Variants in CIITA observed in about 807,000 individuals in gnomAD.
CIITA encodes class II major histocompatibility complex transactivator, also known as MHC class II transactivator.
In CIITA, 72 loss-of-function variants were observed where a neutral mutation model predicts 115.1. The observed-to-expected ratio is 0.63, with a 90% CI of 0.52 to 0.76. The LOEUF (loss-of-function observed/expected upper bound fraction) is 0.76. CIITA is among the 30% of genes least tolerant of loss of function. The pLI, the probability that CIITA is intolerant of heterozygous loss-of-function variation, is 0.00. For synonymous variants in CIITA, 763 were observed against 635.6 expected (o/e 1.20, Z -3.02); for missense variants, 1,617 against 1,463.8 (o/e 1.10, Z -1.71).
rs769523379 is a variant in CIITA, at chr16:10,907,238, T to G, written c.1746T>G (p.Phe582Leu). The G allele has an allele frequency of 1.2e-6, 2 of 1,613,090 alleles. No individual in the cohort carries two copies. Among genetic ancestry groups the G allele is most frequent in the Non-Finnish European group, 1.7e-6 (2 of 1,179,924 alleles). Residue 582 changes from phenylalanine to leucine, a missense_variant, in exon 11 of 20, where the codon TTT becomes TTG. By Grantham distance (22) the Phe-to-Leu change is conservative. Coordinates refer to ENST00000324288, the MANE Select transcript of CIITA (RefSeq NM_000246.4). This position sits in a 1 kb window ranked among gnomAD's most constrained non-coding sequence, Gnocchi z 5.0. ...CCCAGGCATACGTGATGCGCTACTTTGAGAGCTCAGGGATGACAGAGCACC... is the reference window on the plus strand; with the variant it reads ...CCCAGGCATACGTGATGCGCTACTTGGAGAGCTCAGGGATGACAGAGCACC... Reference protein sequence around the residue: ...EQAQAYVMRYFESSGMTEHQD... With the variant: ...EQAQAYVMRYLESSGMTEHQD...
chr16:10,888,995 G>C (rs1050476338), intron 1 of CIITA, among the ~76,000 whole-genome samples: 1 of 152,216 alleles, frequency 6.6e-6, no homozygotes, highest in Non-Finnish European at 1.5e-5. Context: ...TAATGCCTAC[G>C]AGTCATGTCA....
chr16:10,898,858 T>G lies in CIITA; in HGVS notation c.359-67T>G, dbSNP rs6498121. 0.76 allele frequency: 1,215,513 copies of G among 1,600,692 alleles called. 471,464 individuals are homozygous for G. Among genetic ancestry groups the G allele is most frequent in the Non-Finnish European group, 0.8 (933,561 of 1,168,594 alleles). ...GTCAGACCCCTCTCCCCAAGGTGGG[T>G]ACAATAGAGACTCACCTTGGGCTTT... On this transcript the variant is annotated intron_variant, in intron 4 of 19. Transcript: ENST00000324288.
intron 13 of CIITA, among the ~76,000 whole-genome samples, chr16:10,912,452 C>G (rs1176462442): frequency 3.3e-5 from 5 of 152,158 alleles, no homozygotes; most frequent in Admixed American, 3.3e-4. Context: ...TCATTAATCT[C>G]AAGAGCTACT....
Position 10,915,562 on chromosome 16 carries a change from C to T in CIITA, c.2889-8C>T, listed in dbSNP as rs776896636. On this transcript the variant is annotated splice_region_variant and splice_polypyrimidine_tract_variant and intron_variant, in intron 13 of 19. Transcript: ENST00000324288. ...CTGGAGGTCTTACCCTTGCTCTTTG[C>T]CTCCTAGGCTGGGCCCTGTCTCAGG... 1.2e-6 allele frequency: 2 copies of T among 1,613,126 alleles called. No individual in the cohort carries two copies. Among genetic ancestry groups the T allele is most frequent in the Admixed American group, 1.7e-5 (1 of 60,020 alleles).
At chr16:10,899,809 G>A (rs1262014422) in intron 5 of CIITA, among the ~76,000 whole-genome samples, 2 of 152,234 alleles carry the variant, frequency 1.3e-5, no homozygotes, top group African/African-American at 4.8e-5. Context: ...GCTGGGCGCA[G>A]CGGCTCACAC....
chr16:10,877,593 G>C (rs1252371594), intron 1 of CIITA, among the ~76,000 whole-genome samples: 2 of 152,318 alleles, frequency 1.3e-5, no homozygotes, highest in Non-Finnish European at 2.9e-5. Context: ...GGTGTCTGGA[G>C]TATGAACCAT....
At position 10,906,649 on chromosome 16, in the gene CIITA, A is replaced by C. The variant is rs771846946; in HGVS notation, c.1157A>C (p.Asp386Ala). ...CTGGAGCGGGAACTGGCCACCCCGG[A>C]CTGGGCAGAACGGCAGCTGGCCCAA... ...KSLERELATP[D>A]WAERQLAQGG... Residue 386 changes from aspartate to alanine, a missense_variant, in exon 11 of 20, where the codon GAC (aspartate) becomes GCC (alanine). Physicochemically the swap from Asp to Ala is moderately radical, Grantham distance 126. Transcript: ENST00000324288. The C allele has an allele frequency of 6.2e-7, 1 of 1,613,860 alleles. No homozygotes were observed. Among genetic ancestry groups the C allele is most frequent in the Admixed American group, 1.7e-5 (1 of 60,024 alleles).
At chr16:10,915,055 G>GT (rs776921504) in intron 13 of CIITA, 40 of 455,200 alleles carry the variant, frequency 8.8e-5, no homozygotes, top group East Asian at 4.9e-4. Context: ...TTCTTTTTTT[G>GT]TTTTTTTTCT....
chr16:10,918,288 C>A, intron 15 of CIITA, 152 bp from the exon 16 acceptor site: 1 of 775,592 alleles, frequency 1.3e-6, no homozygotes, highest in East Asian at 2.5e-5. Flanking sequence ...CCCACTTGGC[C>A]ACAGGACCTA....
chr16:10,892,560 C>G (rs1270539753), intron 1 of CIITA, among the ~76,000 whole-genome samples: 1 of 152,178 alleles, frequency 6.6e-6, no homozygotes, highest in Non-Finnish European at 1.5e-5. Flanking sequence ...AAAGGTGGCC[C>G]CCCAAAAGAT....
Position 10,879,543 on chromosome 16 carries a change from G to C in CIITA, c.52+2161G>C, listed in dbSNP as rs1280982102. On this transcript the variant is annotated intron_variant, in intron 1 of 19. Coordinates refer to ENST00000324288, the MANE Select transcript of CIITA (RefSeq NM_000246.4). This position sits in a 1 kb window ranked among gnomAD's most constrained non-coding sequence, Gnocchi z 4.3. ...CTCCAGGCGGGGGGCCCTGCTCAGG[G>C]AGGCAGTAGGGAGCCAAACCTTTAA... 1.3e-5 allele frequency among the ~76,000 whole-genome samples: 2 copies of C among 152,080 alleles called. No homozygotes were observed. The highest frequency in any genetic ancestry group is 4.8e-5 in the African/African-American group (2 of 41,420).
At chr16:10,884,697 A>C (rs910210439) in intron 1 of CIITA, among the ~76,000 whole-genome samples, 2 of 152,158 alleles carry the variant, frequency 1.3e-5, no homozygotes. Flanking sequence ...CTGGGATTAC[A>C]GGTGTGATCT....
At chr16:10,867,906 C>T (rs982904952) in intron 1 of CIITA, among the ~76,000 whole-genome samples, 1 of 152,082 alleles carries the variant, frequency 6.6e-6, no homozygotes, top group Admixed American at 6.5e-5. Context: ...CAGGCATGCA[C>T]CACTATGCCT....
Position 10,907,840 on chromosome 16 carries a change from A to C in CIITA, c.2348A>C (p.Asp783Ala), listed in dbSNP as rs771514619. 5.0e-6 allele frequency: 8 copies of C among 1,613,450 alleles called. No homozygotes were observed. Among genetic ancestry groups the C allele is most frequent in the East Asian group, 2.2e-5 (1 of 44,862 alleles). ...LLGPSAAASV[D>A]RKQKVLARYL... ...GGGCCATCGGCGGCTGCCTCGGTGG[A>C]CAGGAAGCAGAAGGTGCTTGCGAGG... is the stretch of plus-strand genomic sequence containing the variant. The change falls in exon 11 of 20, where the codon GAC becomes GCC. Residue 783 changes from aspartate to alanine, a missense_variant. Physicochemically the swap from Asp to Ala is moderately radical, Grantham distance 126. Transcript: ENST00000324288. This position sits in a 1 kb window ranked among gnomAD's most constrained non-coding sequence, Gnocchi z 5.0.
Position 10,901,878 on chromosome 16 carries a change from G to T in CIITA, c.482-160G>T, listed in dbSNP as rs747133524. The T allele has an allele frequency of 4.8e-6, 5 of 1,048,960 alleles. No individual in the cohort carries two copies. The highest frequency in any genetic ancestry group is 7.2e-6 in the Non-Finnish European group (5 of 692,666). The allele number at this position is 1,048,960 out of a possible 1,614,324, so 65.0% of individuals were successfully genotyped here. A position where few individuals can be genotyped will look rare whatever the true frequency, so the allele number is the denominator to read the frequency against. On this transcript the variant is annotated intron_variant, in intron 6 of 19. Transcript: ENST00000324288. This position sits in a 1 kb window ranked among gnomAD's most constrained non-coding sequence, Gnocchi z 6.8. ...CAAGGAGAGGACTGGGGGACTGCCT[G>T]GCACAGAGCAGTTGCTGATCAACAC...
chr16:10,938,996 T>G (rs1243825686), downstream of CIITA: 2 of 152,216 alleles, frequency 1.3e-5, no homozygotes, highest in Non-Finnish European at 2.9e-5. The surrounding 1 kb of genome is among the most constrained non-coding windows in gnomAD (Gnocchi z 4.9). Context: ...AGTCAAATGC[T>G]TGGCTTGGAG....
intron 1 of CIITA, among the ~76,000 whole-genome samples, chr16:10,870,000 C>G (rs7501204): frequency 0.75 from 113,514 of 151,612 alleles, 42,758 homozygotes; most frequent in Admixed American, 0.8. Context: ...TGGATGGATG[C>G]GTTGATGAGT....
At chr16:10,876,009 A>G (rs919162970), upstream of CIITA, among the ~76,000 whole-genome samples, 43 of 152,254 alleles carry the variant, frequency 2.8e-4, no homozygotes, top group African/African-American at 1.0e-3. Flanking sequence ...AATTAGCTGG[A>G]CATAGTGGCA....
intron 13 of CIITA, among the ~76,000 whole-genome samples, chr16:10,910,892 T>G (rs574796348): frequency 3.3e-5 from 5 of 152,246 alleles, no homozygotes; most frequent in Non-Finnish European, 7.4e-5. Flanking sequence ...GCTTTTGATG[T>G]GCAGCTAGGA....
Sources: gnomAD v4.1 joint callset for allele counts (sites outside exome capture counted in the v4.1 genomes callset) on GRCh38, gnomAD v4.1.1 for gene constraint, Gnocchi (gnomAD v3.1) non-coding constraint, MANE v1.5 for transcripts, NCBI Gene and HGNC (gene_info 2026-07-23, HGNC 2026-07-21) for gene names.